The following TULP3 variants were observed in gnomAD, a reference collection of about 807,000 sequenced individuals.
The protein encoded by TULP3 is tubby-related protein 3.
TULP3 carries 38 observed loss-of-function variants against 50.7 expected under a neutral mutation model. The observed-to-expected ratio is 0.75, with a 90% CI of 0.58 to 0.98. TULP3 has a LOEUF of 0.98. Ranked by LOEUF, TULP3 falls within the 50% of genes least tolerant of loss-of-function variation. The pLI, the probability that TULP3 is intolerant of heterozygous loss-of-function variation, is 0.00. For missense variants in TULP3, 550 were observed against 568.0 expected, an observed-to-expected ratio of 0.97 and a Z score of 0.32; for synonymous variants, 183 against 196.6, an observed-to-expected ratio of 0.93 and a Z score of 0.58.
In TULP3 at chr12:2,940,031, C is replaced by T. The variant is rs529367203; in HGVS notation, c.*587C>T. 5.1e-5 allele frequency: 66 copies of T among 1,288,542 alleles called. No individual in the cohort carries two copies. The African/African-American group carries it at 6.7e-4, about 13-fold the overall frequency. 79.8% of individuals were successfully genotyped at this position (1,288,542 alleles called of 1,614,324 possible). A position where few individuals can be genotyped will look rare whatever the true frequency, so the allele number is the denominator to read the frequency against. On this transcript the variant is annotated 3_prime_UTR_variant, in exon 11 of 11. Transcript: ENST00000448120. ...CTTCATTCCCTCACAGCAGATTGGCCGGCACCAATCTTAGTCAAGAGTGGC... is the reference window on the plus strand; with the variant it reads ...CTTCATTCCCTCACAGCAGATTGGCTGGCACCAATCTTAGTCAAGAGTGGC...
chr12:2,932,159 G>C (rs2098198449), intron 6 of TULP3, among the ~76,000 whole-genome samples: 1 of 152,148 alleles, frequency 6.6e-6, no homozygotes, highest in Non-Finnish European at 1.5e-5. Context: ...ATAGAAAAAA[G>C]AGTATTTCCT....
At chr12:2,929,202 A>G (rs1328837832) in intron 4 of TULP3, among the ~76,000 whole-genome samples, 1 of 151,988 alleles carries the variant, frequency 6.6e-6, no homozygotes, top group Non-Finnish European at 1.5e-5. Flanking sequence ...CTGTAGTCCC[A>G]GCTACTTGGG....
At chr12:2,911,716 G>A (rs1326132502) in intron 2 of TULP3, among the ~76,000 whole-genome samples, 1 of 80,830 alleles carries the variant, frequency 1.2e-5, no homozygotes, top group Admixed American at 1.8e-4. Context: ...TTGAGTCAGT[G>A]AATTTAGAGA....
chr12:2,910,004 A>G (rs1393515030), intron 2 of TULP3, among the ~76,000 whole-genome samples: 1 of 152,196 alleles, frequency 6.6e-6, no homozygotes, highest in African/African-American at 2.4e-5. Flanking sequence ...TCAAATCTCC[A>G]TCGCAGGGCC....
rs543844831 is a variant in TULP3 at position 2,906,897 on chromosome 12, G to A, written c.42-2632G>A. 3.3e-5 allele frequency among the ~76,000 whole-genome samples: 5 copies of A among 151,686 alleles called. No individual in the cohort carries two copies. The South Asian group carries it at 8.4e-4, about 25-fold the overall frequency. ...CGTCATTGTACTCCAGCCTGGGCAAGAAGAGTGAACCCTTCATCTCAAAAT... is the reference window on the plus strand; with the variant it reads ...CGTCATTGTACTCCAGCCTGGGCAAAAAGAGTGAACCCTTCATCTCAAAAT... On this transcript the variant is annotated intron_variant, in intron 1 of 10. Transcript: ENST00000448120.
At position 2,939,194 on chromosome 12, in the gene TULP3, AG is replaced by A. The variant is rs2098203245; in HGVS notation, c.1196-115del. On this transcript the variant is annotated intron_variant, in intron 10 of 10. Transcript: ENST00000448120. This position sits in a 1 kb window ranked among gnomAD's most constrained non-coding sequence, Gnocchi z 4.0. Reference sequence around the variant, plus strand: ...TGCAGTGAGCTGTGGTCATTCCACTAGGCTCCAGCCAGGGCGACAGAGCAAA... The same window carrying A: ...TGCAGTGAGCTGTGGTCATTCCACTAGCTCCAGCCAGGGCGACAGAGCAAA... 3 of 1,157,124 alleles carry A rather than the reference AG, an allele frequency of 2.6e-6. No individual in the cohort carries two copies. In the South Asian group the frequency reaches 4.3e-5, roughly 16 times the overall value. 71.7% of individuals were successfully genotyped at this position (1,157,124 alleles called of 1,614,324 possible).
intron 4 of TULP3, among the ~76,000 whole-genome samples, chr12:2,929,301 A>G (rs1358693366): frequency 2.0e-5 from 3 of 151,944 alleles, no homozygotes; most frequent in African/African-American, 2.4e-5. Context: ...TGGGCGACAG[A>G]GCGAGACTCC....
At chr12:2,919,500 T>C (rs1178921943) in intron 2 of TULP3, among the ~76,000 whole-genome samples, 1 of 152,142 alleles carries the variant, frequency 6.6e-6, no homozygotes, top group Non-Finnish European at 1.5e-5. Flanking sequence ...TTGGAGTGAC[T>C]CTTCTTCCTG....
chr12:2,907,195 G>A (rs559991639), intron 1 of TULP3, among the ~76,000 whole-genome samples: 3 of 151,940 alleles, frequency 2.0e-5, no homozygotes, highest in Non-Finnish European at 4.4e-5. Flanking sequence ...AAAATTGGCC[G>A]GGTACGATGC....
rs563354506 is a variant in TULP3, at chr12:2,894,407, G to A, written c.41+3419G>A. On this transcript the variant is annotated intron_variant, in intron 1 of 10. Transcript: ENST00000448120. Reference sequence around the variant, plus strand: ...AAAACTTAGCCAGGCATGGTGGCAGGTGCCTATAATCTTAGCTACTCAGGA... The same window carrying A: ...AAAACTTAGCCAGGCATGGTGGCAGATGCCTATAATCTTAGCTACTCAGGA... Among the ~76,000 whole-genome samples, 39 of 152,026 alleles carry A rather than the reference G, an allele frequency of 2.6e-4. 1 individual carries two copies. The South Asian group carries it at 8.1e-3, about 32-fold the overall frequency.
chr12:2,932,943 A>ATTTTTTTT (rs202247754), intron 6 of TULP3, among the ~76,000 whole-genome samples: 1 of 149,498 alleles, frequency 6.7e-6, no homozygotes, highest in Non-Finnish European at 1.5e-5. Flanking sequence ...TTTTATTTTT[A>ATTTTTTTT]TTTTTTATTT....
intron 1 of TULP3, among the ~76,000 whole-genome samples, chr12:2,905,080 G>A (rs2098181391): frequency 2.2e-4 from 2 of 8,938 alleles, no homozygotes; most frequent in African/African-American, 9.1e-4. Context: ...GTGAGACTCT[G>A]TCTCAAAAAA....
intron 2 of TULP3, among the ~76,000 whole-genome samples, chr12:2,911,024 T>C (rs1031021785): frequency 6.6e-6 from 1 of 152,168 alleles, no homozygotes; most frequent in Non-Finnish European, 1.5e-5. Context: ...ATAAAATCTA[T>C]GGTTCATCTA....
At chr12:2,933,667 A>G (rs1052513915) in intron 7 of TULP3, 137 bp downstream of exon 7, 14 of 529,324 alleles carry the variant, frequency 2.6e-5, no homozygotes, top group Non-Finnish European at 4.1e-5. Context: ...GAAAAAAAAA[A>G]AAGCTGGGCG....
chr12:2,908,176 C>T (rs2098183472), intron 1 of TULP3, among the ~76,000 whole-genome samples: 1 of 152,142 alleles, frequency 6.6e-6, no homozygotes, highest in African/African-American at 2.4e-5. Context: ...TACATAAATG[C>T]TTTGGTATAT....
Position 2,914,190 on chromosome 12 carries a change from T to A in TULP3, c.93+4610T>A, listed in dbSNP as rs542961672. ...CCCAGGCTGGAGTACAATGGCGCAA[T>A]CTTGGCTCACTGCAACCTCTGCCTC... On this transcript the variant is annotated intron_variant, in intron 2 of 10. Transcript: ENST00000448120. Among the ~76,000 whole-genome samples the A allele has an allele frequency of 3.4e-5, 5 of 147,794 alleles. 1 individual carries two copies. In the East Asian group the frequency reaches 1.0e-3, roughly 30 times the overall value.
At chr12:2,906,158 G>A (rs1253062649) in intron 1 of TULP3, among the ~76,000 whole-genome samples, 3 of 151,002 alleles carry the variant, frequency 2.0e-5, no homozygotes. Context: ...AGTCTCCTAA[G>A]TAGCTGGGAT....
intron 1 of TULP3, among the ~76,000 whole-genome samples, chr12:2,903,331 G>T (rs1369078924): frequency 6.6e-6 from 1 of 151,942 alleles, no homozygotes; most frequent in Non-Finnish European, 1.5e-5. Flanking sequence ...GGGAGGCTGA[G>T]GCGGGTGGAT....
intron 1 of TULP3, among the ~76,000 whole-genome samples, chr12:2,904,308 T>C (rs999502736): frequency 3.9e-5 from 6 of 152,132 alleles, no homozygotes; most frequent in African/African-American, 1.2e-4. Flanking sequence ...CTTGTAGTTA[T>C]CTTCAGTTAG....
Sources: allele counts gnomAD v4.1 joint callset (sites outside exome capture counted in the v4.1 genomes callset), GRCh38; gene constraint gnomAD v4.1.1; non-coding constraint Gnocchi (gnomAD v3.1); transcripts MANE v1.5; gene names NCBI Gene and HGNC (gene_info 2026-07-23, HGNC 2026-07-21).